CCDC125: variants seen among roughly 807,000 people sequenced by gnomAD.
The protein encoded by CCDC125 is coiled-coil domain-containing protein 125.
A neutral mutation model predicts 57.4 loss-of-function variants in CCDC125; 43 were observed. The observed-to-expected ratio is 0.75, with a 90% CI of 0.59 to 0.97. The LOEUF (loss-of-function observed/expected upper bound fraction) is 0.97. CCDC125 is among the 50% of genes least tolerant of loss of function. The pLI, the probability that CCDC125 is intolerant of heterozygous loss-of-function variation, is 0.00. For missense variants in CCDC125, 563 were observed against 595.7 expected (o/e 0.95, Z 0.57); for synonymous variants, 187 against 195.2 (o/e 0.96, Z 0.35).
downstream of CCDC125, among the ~76,000 whole-genome samples, chr5:69,275,616 G>A (rs973995008): frequency 1.3e-5 from 2 of 152,052 alleles, no homozygotes; most frequent in Non-Finnish European, 1.5e-5. Context: ...TACACATAAG[G>A]ACATTAACAA....
At chr5:69,283,166 A>C in intron 11 of CCDC125, 132 bp from the exon 12 acceptor site, 1 of 648,960 alleles carries the variant, frequency 1.5e-6, no homozygotes, top group South Asian at 2.3e-5. Flanking sequence ...ATCAGTATGA[A>C]TAAATTAGGT....
downstream of CCDC125, among the ~76,000 whole-genome samples, chr5:69,276,276 G>A (rs183769944): frequency 4.9e-3 from 740 of 152,180 alleles, 1 homozygote; most frequent in Non-Finnish European, 7.6e-3. Context: ...TGATCCACCC[G>A]CCTCAGCCTC....
chr5:69,282,934 T>C lies in CCDC125; in HGVS notation c.1331A>G (p.Glu444Gly). The stretch of plus-strand genomic sequence containing the variant: ...GAAATTCTCTTTTATAGGATTTTTT[T>C]CTTTATTCTCGTTTGAAGCAGTGTC... Reference protein sequence around the residue: ...DKDTASNENKEKNPIKENFPF... With the variant: ...DKDTASNENKGKNPIKENFPF... The change falls in exon 12 of 12, where the codon GAA (glutamate) becomes GGA (glycine). Residue 444 changes from glutamate to glycine, a missense_variant. Physicochemically the swap from Glu to Gly is moderately conservative, Grantham distance 98. Coordinates refer to ENST00000396496, the MANE Select transcript of CCDC125 (RefSeq NM_176816.5). 2 of 1,614,086 alleles carry C rather than the reference T, an allele frequency of 1.2e-6. No individual in the cohort carries two copies. The highest frequency in any genetic ancestry group is 1.7e-6 in the Non-Finnish European group (2 of 1,180,008).
At chr5:69,305,935 C>T (rs566654019) in intron 6 of CCDC125, among the ~76,000 whole-genome samples, 1 of 152,114 alleles carries the variant, frequency 6.6e-6, no homozygotes. Context: ...GTGTGAGCCA[C>T]CATACCCAAC....
At chr5:69,306,451 C>T (rs1479565098) in intron 6 of CCDC125, among the ~76,000 whole-genome samples, 2 of 152,146 alleles carry the variant, frequency 1.3e-5, no homozygotes, top group African/African-American at 2.4e-5. Context: ...ACCTCAGCTT[C>T]CCATGTAGCT....
At chr5:69,294,943 T>A (rs369674577) in intron 8 of CCDC125, 43 bp from the exon 9 acceptor site, 8 of 1,522,776 alleles carry the variant, frequency 5.3e-6, no homozygotes, top group Non-Finnish European at 7.3e-6. Flanking sequence ...AGTGTCACAC[T>A]GTTTTAGCTG....
At chr5:69,289,641 C>T (rs942366468) in intron 10 of CCDC125, among the ~76,000 whole-genome samples, 9 of 152,130 alleles carry the variant, frequency 5.9e-5, no homozygotes, top group Middle Eastern at 3.4e-3. Flanking sequence ...GAGGGAGGAC[C>T]GCTTGAGCCC....
chr5:69,285,476 G>A lies in CCDC125; in HGVS notation c.1100-9C>T. The A allele has an allele frequency of 6.3e-7, 1 of 1,588,904 alleles. No homozygotes were observed. Among genetic ancestry groups the A allele is most frequent in the Non-Finnish European group, 8.5e-7 (1 of 1,172,392 alleles). ...CCTTGGTGATGGAAATCCTAAAATT[G>A]AACATGAGAATCCAGCTGAGACATT... On this transcript the variant is annotated splice_polypyrimidine_tract_variant and intron_variant, in intron 10 of 11. Coordinates refer to ENST00000396496, the MANE Select transcript of CCDC125 (RefSeq NM_176816.5).
intron 5 of CCDC125, 88 bp downstream of exon 5, chr5:69,307,863 T>C (rs2031449269): frequency 2.0e-5 from 19 of 974,038 alleles, no homozygotes; most frequent in Non-Finnish European, 2.9e-5. Flanking sequence ...TAGGCACAAG[T>C]GACAGATCCA....
chr5:69,294,767 C>A, intron 9 of CCDC125, 26 bp downstream of exon 9: 1 of 1,509,468 alleles, frequency 6.6e-7, no homozygotes, highest in Non-Finnish European at 9.1e-7. Context: ...AAAACTAAAG[C>A]TTTTGCTGTT....
intron 10 of CCDC125, among the ~76,000 whole-genome samples, chr5:69,289,133 T>A (rs1284191483): frequency 6.6e-6 from 1 of 152,240 alleles, no homozygotes; most frequent in Non-Finnish European, 1.5e-5. Context: ...TGACAGGCAT[T>A]CGTAAGATTA....
Position 69,320,804 on chromosome 5 carries a change from T to TGTGTGC in CCDC125, c.-40-230_-40-225dup, listed in dbSNP as rs929762327. 2.0e-4 allele frequency among the ~76,000 whole-genome samples: 31 copies of TGTGTGC among 152,148 alleles called. 1 individual carries two copies. Among genetic ancestry groups the TGTGTGC allele is most frequent in the Admixed American group, 1.4e-3 (22 of 15,270 alleles). On this transcript the variant is annotated intron_variant, in intron 1 of 11. Coordinates refer to ENST00000396496, the MANE Select transcript of CCDC125 (RefSeq NM_176816.5). ...GGTGTGGGGTGTGTGTGTGTGTGTG[T>TGTGTGC]GTGTGCGTGTGCGTGTGTACACAAT...
intron 11 of CCDC125, among the ~76,000 whole-genome samples, chr5:69,283,765 G>C (rs1303393975): frequency 6.6e-6 from 1 of 151,196 alleles, no homozygotes; most frequent in African/African-American, 2.4e-5. Context: ...TGGAATTACA[G>C]ATGTGTGCCA....
chr5:69,298,122 T>C (rs536077830), intron 8 of CCDC125, among the ~76,000 whole-genome samples: 268 of 151,926 alleles, frequency 1.8e-3, no homozygotes, highest in Non-Finnish European at 2.6e-3. Context: ...TTCAAGCGAT[T>C]CTCCTGCCTC....
rs1759781975 is a variant in CCDC125, at chr5:69,320,102, G to A, written c.304+135C>T. On this transcript the variant is annotated intron_variant, in intron 2 of 11. Coordinates refer to ENST00000396496, the MANE Select transcript of CCDC125 (RefSeq NM_176816.5). ...CGTGCCACTGCACTCCAGCCTGGGT[G>A]ACAGAGCAAGACTCCGTCCAGAAAA... 3 of 867,878 alleles carry A rather than the reference G, an allele frequency of 3.5e-6. No homozygotes were observed. The South Asian group carries it at 5.1e-5, about 15-fold the overall frequency. The allele number at this position is 867,878 out of a possible 1,614,324, so 53.8% of individuals were successfully genotyped here.
At chr5:69,287,062 T>G (rs1753623330) in intron 10 of CCDC125, among the ~76,000 whole-genome samples, 1 of 150,942 alleles carries the variant, frequency 6.6e-6, no homozygotes, top group Non-Finnish European at 1.5e-5. Flanking sequence ...TATAAACTAC[T>G]TCCGGAAACT....
rs779567319 is a variant in CCDC125 at position 69,282,869 on chromosome 5, CAG to C, written c.1394_1395del (p.Ser465CysfsTer4). 21 of 1,613,986 alleles carry C rather than the reference CAG, an allele frequency of 1.3e-5. No homozygotes were observed. Among genetic ancestry groups the C allele is most frequent in the East Asian group, 4.5e-5 (2 of 44,866 alleles). ...NNPWRKTSEF[S>X]VLGDPIHSSV... ...CTTGAATGTATAGGATCACCCAAAA[CAG>C]AGAATTCTGAAGTCTTACGCCAGGG... On this transcript the variant is annotated frameshift_variant, in exon 12 of 12. Coordinates refer to ENST00000396496, the MANE Select transcript of CCDC125 (RefSeq NM_176816.5). LOFTEE classifies it low-confidence loss of function (END_TRUNC).
chr5:69,325,754 G>A (rs1760648876), intron 1 of CCDC125, among the ~76,000 whole-genome samples: 1 of 149,694 alleles, frequency 6.7e-6, no homozygotes, highest in Non-Finnish European at 1.5e-5. Context: ...AAACCAGAAG[G>A]TGGATGTTGC....
At chr5:69,312,833 A>G (rs1056562843) in intron 3 of CCDC125, among the ~76,000 whole-genome samples, 5 of 152,214 alleles carry the variant, frequency 3.3e-5, no homozygotes, top group Non-Finnish European at 7.3e-5. Context: ...CAAAATATCT[A>G]TCAATGGACT....
Sources: gnomAD v4.1 joint callset for allele counts (sites outside exome capture counted in the v4.1 genomes callset) on GRCh38, gnomAD v4.1.1 for gene constraint, MANE v1.5 for transcripts, NCBI Gene and HGNC (gene_info 2026-07-23, HGNC 2026-07-21) for gene names.